Variants in ZFPM2 observed in about 807,000 individuals in gnomAD.
ZFPM2 encodes the protein zinc finger protein, FOG family member 2, also known as zinc finger protein ZFPM2.
Under a neutral mutation model 98.6 loss-of-function variants are expected in ZFPM2, and 20 were observed. The observed-to-expected ratio is 0.20, with a 90% CI of 0.14 to 0.29. ZFPM2 has a LOEUF of 0.29. Ranked by LOEUF, ZFPM2 falls within the 10% of genes least tolerant of loss-of-function variation. The probability of loss-of-function intolerance (pLI) is 1.00; values close to 1 mark genes in which losing one functional copy is unlikely to be tolerated. For missense variants in ZFPM2, 1,310 were observed against 1,388.6 expected (o/e 0.94, Z 0.90); for synonymous variants, 518 against 502.7 (o/e 1.03, Z -0.41).
intron 5 of ZFPM2, among the ~76,000 whole-genome samples, chr8:105,766,182 T>G (rs1489879801): frequency 6.6e-6 from 1 of 151,948 alleles, no homozygotes. Context: ...AGATTTGGTC[T>G]ATAGTCATAA....
chr8:105,384,379 A>G (rs1810944461), intron 1 of ZFPM2, among the ~76,000 whole-genome samples: 2 of 152,164 alleles, frequency 1.3e-5, no homozygotes, highest in Admixed American at 6.5e-5. Flanking sequence ...GACAATCTCT[A>G]AAAAGAGTGT....
chr8:105,590,408 T>C (rs1815816444), intron 4 of ZFPM2, among the ~76,000 whole-genome samples: 1 of 152,190 alleles, frequency 6.6e-6, no homozygotes, highest in Admixed American at 6.5e-5. Context: ...GTACAGCCTG[T>C]GGTCATATTA....
intron 5 of ZFPM2, among the ~76,000 whole-genome samples, chr8:105,650,272 T>G (rs1437501341): frequency 6.6e-6 from 1 of 152,142 alleles, no homozygotes; most frequent in African/African-American, 2.4e-5. Flanking sequence ...TCTCTTTCCT[T>G]CTTTATTAGT....
chr8:105,411,606 T>C (rs1228477258), intron 1 of ZFPM2, among the ~76,000 whole-genome samples: 1 of 151,960 alleles, frequency 6.6e-6, no homozygotes, highest in East Asian at 1.9e-4. Flanking sequence ...TATTGAAATA[T>C]ATCTCAATCA....
chr8:105,459,066 A>G (rs1812655033), intron 3 of ZFPM2, among the ~76,000 whole-genome samples: 1 of 152,082 alleles, frequency 6.6e-6, no homozygotes, highest in African/African-American at 2.4e-5. Context: ...AAGTCACTTG[A>G]ATGGCCCTTC....
intron 3 of ZFPM2, among the ~76,000 whole-genome samples, chr8:105,479,891 T>G (rs773465306): frequency 8.5e-5 from 13 of 152,164 alleles, no homozygotes; most frequent in Non-Finnish European, 1.8e-4. Context: ...ATTCGACCAA[T>G]TTTTCTATGT....
Position 105,411,127 on chromosome 8 carries a change from C to T in ZFPM2, c.41-8017C>T, listed in dbSNP as rs1811568953. ...GTATTCTCTCACTTTGATTTGGTCT[C>T]CAACTTTATTATAATTAACTTCAAT... On this transcript the variant is annotated intron_variant, in intron 1 of 7. Coordinates refer to ENST00000407775, the MANE Select transcript of ZFPM2 (RefSeq NM_012082.4). 2.6e-5 allele frequency among the ~76,000 whole-genome samples: 4 copies of T among 151,818 alleles called. No homozygotes were observed. The South Asian group carries it at 8.3e-4, about 31-fold the overall frequency.
chr8:105,736,096 A>G (rs1334427169), intron 5 of ZFPM2, among the ~76,000 whole-genome samples: 3 of 151,994 alleles, frequency 2.0e-5, no homozygotes, highest in Non-Finnish European at 4.4e-5. Flanking sequence ...GCTTATTTGT[A>G]AGCATTGAGA....
intron 4 of ZFPM2, among the ~76,000 whole-genome samples, chr8:105,572,276 A>T (rs1815374086): frequency 6.6e-6 from 1 of 151,962 alleles, no homozygotes; most frequent in Non-Finnish European, 1.5e-5. Context: ...TGACCTTGTG[A>T]TCGCCTGCCT....
At chr8:105,606,244 C>T (rs944360548) in intron 4 of ZFPM2, among the ~76,000 whole-genome samples, 2 of 152,100 alleles carry the variant, frequency 1.3e-5, no homozygotes, top group African/African-American at 2.4e-5. Flanking sequence ...TATCTCTCCT[C>T]ACCCTAAGAG....
intron 2 of ZFPM2, among the ~76,000 whole-genome samples, chr8:105,430,034 G>T (rs2130135486): frequency 6.6e-6 from 1 of 152,242 alleles, no homozygotes; most frequent in African/African-American, 2.4e-5. Context: ...AATAAATACT[G>T]GGTGTCGCTT....
chr8:105,732,825 A>G (rs1811973567), intron 5 of ZFPM2, among the ~76,000 whole-genome samples: 1 of 151,824 alleles, frequency 6.6e-6, no homozygotes, highest in South Asian at 2.1e-4. Context: ...TGGAGAAAAA[A>G]TTCATCCTAG....
intron 5 of ZFPM2, among the ~76,000 whole-genome samples, chr8:105,690,076 C>A (rs572053973): frequency 6.6e-6 from 1 of 152,176 alleles, no homozygotes; most frequent in Non-Finnish European, 1.5e-5. Flanking sequence ...TCCTAAGGAA[C>A]TTGCATAGCC....
chr8:105,697,236 C>T (rs998109180), intron 5 of ZFPM2, among the ~76,000 whole-genome samples: 29 of 152,270 alleles, frequency 1.9e-4, no homozygotes, highest in African/African-American at 6.3e-4. Context: ...TTAGAATGAG[C>T]GCTTAATCTT....
At chr8:105,726,993 T>G (rs1269098665) in intron 5 of ZFPM2, among the ~76,000 whole-genome samples, 1 of 151,716 alleles carries the variant, frequency 6.6e-6, no homozygotes, top group Admixed American at 6.6e-5. Flanking sequence ...TGTATAGTGA[T>G]AGATAAATTG....
intron 1 of ZFPM2, among the ~76,000 whole-genome samples, chr8:105,320,200 T>C (rs943959646): frequency 6.6e-6 from 1 of 151,960 alleles, no homozygotes; most frequent in Admixed American, 6.6e-5. Context: ...AATCAACTTG[T>C]CCTTGAAATG....
intron 1 of ZFPM2, among the ~76,000 whole-genome samples, chr8:105,333,148 T>G (rs1812263828): frequency 6.6e-6 from 1 of 151,750 alleles, no homozygotes; most frequent in South Asian, 2.1e-4. Context: ...GAGCTAACAA[T>G]GGGCTTCAGT....
intron 4 of ZFPM2, among the ~76,000 whole-genome samples, chr8:105,579,184 A>C (rs2130737604): frequency 6.6e-6 from 1 of 152,314 alleles, no homozygotes; most frequent in Admixed American, 6.5e-5. Flanking sequence ...TGCCTGATAC[A>C]GTAACATTTC....
chr8:105,662,516 C>T (rs1423560759), intron 5 of ZFPM2: 1 of 151,588 alleles, frequency 6.6e-6, no homozygotes, highest in Non-Finnish European at 1.5e-5. Context: ...CTCTGGCAGT[C>T]CTTTTTTTTT....
Sources: allele counts gnomAD v4.1 joint callset (sites outside exome capture counted in the v4.1 genomes callset), GRCh38; gene constraint gnomAD v4.1.1; transcripts MANE v1.5; gene names NCBI Gene and HGNC (gene_info 2026-07-23, HGNC 2026-07-21).